The following UTRN variants were observed in gnomAD, a reference collection of about 807,000 sequenced individuals.
The protein encoded by UTRN is dystrophin-related protein 1.
In UTRN, 283 loss-of-function variants were observed where a neutral mutation model predicts 463.9. That is an observed-to-expected ratio of 0.61 (90% CI 0.55 to 0.67). The LOEUF is 0.67. UTRN is among the 30% of genes least tolerant of loss of function. UTRN has a pLI of 0.00. For synonymous variants in UTRN, 1,442 were observed against 1,431.5 expected, an observed-to-expected ratio of 1.01 and a Z score of -0.17; for missense variants, 3,922 against 4,084.3, an observed-to-expected ratio of 0.96 and a Z score of 1.08.
At chr6:144,796,334 C>T (rs1348616381) in intron 63 of UTRN, among the ~76,000 whole-genome samples, 3 of 152,154 alleles carry the variant, frequency 2.0e-5, no homozygotes, top group Non-Finnish European at 2.9e-5. Flanking sequence ...TCTACCTCCT[C>T]GTACCATCTC....
In UTRN at chr6:144,489,214, T is replaced by G. The variant is rs1350351033; in HGVS notation, c.4134+380T>G. On this transcript the variant is annotated intron_variant, in intron 30 of 74. Coordinates refer to ENST00000367545, the MANE Select transcript of UTRN (RefSeq NM_007124.3). Reference sequence around the variant, plus strand: ...ACAAGCACGCGCCACCACGCCCGGCTAATTTTTTGTAGTTTTAGTAGAGAC... The same window carrying G: ...ACAAGCACGCGCCACCACGCCCGGCGAATTTTTTGTAGTTTTAGTAGAGAC... Among the ~76,000 whole-genome samples the G allele has an allele frequency of 3.3e-5, 5 of 152,234 alleles. No individual in the cohort carries two copies. The East Asian group carries it at 7.7e-4, about 24-fold the overall frequency.
intron 51 of UTRN, among the ~76,000 whole-genome samples, chr6:144,667,898 G>A (rs79166134): frequency 6.6e-6 from 1 of 152,242 alleles, no homozygotes; most frequent in South Asian, 2.1e-4. Flanking sequence ...ACTGCTCTGG[G>A]ATAGAACTGC....
At chr6:144,537,814 CTT>C in intron 44 of UTRN, 97 bp downstream of exon 44, 1 of 1,482,444 alleles carries the variant, frequency 6.7e-7, no homozygotes, top group Non-Finnish European at 9.0e-7. Context: ...GGAAAAGAAA[CTT>C]TGTACTTTTT....
chr6:144,482,312 C>T lies in UTRN; in HGVS notation c.3611C>T (p.Thr1204Met), dbSNP rs754762317. The T allele has an allele frequency of 6.8e-6, 11 of 1,607,220 alleles. No homozygotes were observed. Among genetic ancestry groups the T allele is most frequent in the East Asian group, 4.5e-5 (2 of 44,674 alleles). Residue 1204 changes from threonine (T) to methionine (M), a missense_variant, in exon 27 of 75, where the codon ACG becomes ATG. By Grantham distance (81) the Thr-to-Met change is moderately conservative. This residue lies in a region of UTRN where 2,349 missense variants were observed against 2,303.8 expected (regional missense o/e 1.02). Transcript: ENST00000367545. ...GTGCCCTCTGGTGGCCAGGAGTTGA[C>T]GTCTGAGCTGAATGTTGTGCTGGAG... ...AKVPSGGQEL[T>M]SELNVVLENY...
intron 58 of UTRN, 32 bp from the exon 59 acceptor site, chr6:144,771,875 T>G: frequency 1.3e-6 from 2 of 1,559,758 alleles, no homozygotes; most frequent in South Asian, 2.4e-5. Flanking sequence ...TGATTTTTTG[T>G]TTATTTTTAA....
At chr6:144,356,505 T>A (rs1778559133) in intron 2 of UTRN, among the ~76,000 whole-genome samples, 1 of 152,236 alleles carries the variant, frequency 6.6e-6, no homozygotes, top group Non-Finnish European at 1.5e-5. Flanking sequence ...TTATTATTGT[T>A]GTTGGTATCT....
intron 2 of UTRN, among the ~76,000 whole-genome samples, chr6:144,313,899 A>T (rs187500841): frequency 1.3e-4 from 20 of 152,310 alleles, no homozygotes; most frequent in Admixed American, 1.3e-3. Context: ...TTCAGTTCTT[A>T]AAATTTTCCC....
In UTRN at chr6:144,428,751, A is replaced by G. The variant is rs761494718; in HGVS notation, c.579-27A>G. On this transcript the variant is annotated intron_variant, in intron 7 of 74. Coordinates refer to ENST00000367545, the MANE Select transcript of UTRN (RefSeq NM_007124.3). Reference sequence around the variant, plus strand: ...CTTTGTTTCCACATATTTCATCTTCATTGCATTTTATTTGCATGGTTTTCA... The same window carrying G: ...CTTTGTTTCCACATATTTCATCTTCGTTGCATTTTATTTGCATGGTTTTCA... The G allele has an allele frequency of 5.3e-6, 7 of 1,324,790 alleles. No individual in the cohort carries two copies. The East Asian group carries it at 1.7e-4, about 32-fold the overall frequency. 82.1% of individuals were successfully genotyped at this position (1,324,790 alleles called of 1,614,324 possible).
chr6:144,620,234 T>C (rs966686862), intron 51 of UTRN, among the ~76,000 whole-genome samples: 1 of 152,184 alleles, frequency 6.6e-6, no homozygotes, highest in Non-Finnish European at 1.5e-5. Flanking sequence ...CATTTTTAAG[T>C]ACCCACCTGT....
At chr6:144,690,095 T>TTTGTGTC (rs59704043) in intron 52 of UTRN, among the ~76,000 whole-genome samples, 1 of 33,456 alleles carries the variant, frequency 3.0e-5, no homozygotes, top group African/African-American at 1.4e-4. Context: ...TTTTTTTTTT[T>TTTGTGTC]TGTGTGTGTG....
At position 144,485,507 on chromosome 6, in the gene UTRN, C is replaced by T. The variant is rs149055329; in HGVS notation, c.3810C>T (p.Asn1270=). ...EVLPEKTDAV[N]EALESLESVL... is the part of the protein sequence containing the mutation. ...TGCCTGAGAAGACGGATGCTGTCAA[C>T]GAAGCCCTGGAGGTTGGAACCCGTG... is the stretch of plus-strand genomic sequence containing the variant. Residue 1270 remains asparagine, a synonymous_variant, in exon 28 of 75, where the codon AAC becomes AAT. Coordinates refer to ENST00000367545, the MANE Select transcript of UTRN (RefSeq NM_007124.3). 23 of 1,612,668 alleles carry T rather than the reference C, an allele frequency of 1.4e-5. No homozygotes were observed. The highest frequency in any genetic ancestry group is 4.5e-5 in the East Asian group (2 of 44,744).
chr6:144,596,428 T>A (rs543005638), intron 51 of UTRN, among the ~76,000 whole-genome samples: 1 of 152,268 alleles, frequency 6.6e-6, no homozygotes, highest in East Asian at 1.9e-4. Flanking sequence ...AGCTTCCTGA[T>A]TTTTTCAAGA....
rs138478215 is a variant in UTRN, at chr6:144,297,142, A to G, written c.79+5235A>G. ...TAAGGACTGACATTTGGCACAGTGT[A>G]GGTCCTGGTCCGATGCCCAGATAGG... On this transcript the variant is annotated intron_variant, in intron 2 of 74. Coordinates refer to ENST00000367545, the MANE Select transcript of UTRN (RefSeq NM_007124.3). Among the ~76,000 whole-genome samples, 14 of 152,108 alleles carry G rather than the reference A, an allele frequency of 9.2e-5. No individual in the cohort carries two copies. In the East Asian group the frequency reaches 2.7e-3, roughly 29 times the overall value.
chr6:144,828,341 T>G (rs1370467427), intron 68 of UTRN, among the ~76,000 whole-genome samples: 1 of 151,864 alleles, frequency 6.6e-6, no homozygotes, highest in Non-Finnish European at 1.5e-5. Flanking sequence ...GAGAAATAGA[T>G]GAGAAAGTGA....
chr6:144,401,103 A>T (rs1782899759), intron 2 of UTRN, among the ~76,000 whole-genome samples: 1 of 152,124 alleles, frequency 6.6e-6, no homozygotes, highest in African/African-American at 2.4e-5. Context: ...CTCTCTTAGA[A>T]TTTTTTCCAT....
intron 42 of UTRN, 50 bp downstream of exon 42, chr6:144,531,252 G>A: frequency 6.4e-7 from 1 of 1,558,384 alleles, no homozygotes; most frequent in South Asian, 1.2e-5. Context: ...GTTAGTGTAT[G>A]CCTGTTAAGA....
At chr6:144,708,069 C>A in intron 53 of UTRN, 1 of 169,784 alleles carries the variant, frequency 5.9e-6, no homozygotes, top group Non-Finnish European at 1.2e-5. Flanking sequence ...TGAAAATTAA[C>A]TTTTTTTTTT....
intron 46 of UTRN, among the ~76,000 whole-genome samples, chr6:144,544,841 G>C (rs1313000442): frequency 6.6e-6 from 1 of 151,890 alleles, no homozygotes; most frequent in Non-Finnish European, 1.5e-5. Flanking sequence ...CTCCACTTAT[G>C]CATAGGATCC....
At chr6:144,525,959 A>G (rs1161398068) in intron 41 of UTRN, among the ~76,000 whole-genome samples, 1 of 152,136 alleles carries the variant, frequency 6.6e-6, no homozygotes, top group South Asian at 2.1e-4. Context: ...ATTCAGGAGC[A>G]GGTTATTTCG....
Sources: allele counts gnomAD v4.1 joint callset (sites outside exome capture counted in the v4.1 genomes callset), GRCh38; gene constraint gnomAD v4.1.1; regional missense constraint gnomAD v4.1.1; transcripts MANE v1.5; gene names NCBI Gene and HGNC (gene_info 2026-07-23, HGNC 2026-07-21).